The following OPHN1 variants were observed in gnomAD, a reference collection of about 807,000 sequenced individuals.
OPHN1 encodes oligophrenin-1.
OPHN1 carries 11 observed loss-of-function variants against 60.7 expected under a neutral mutation model. The observed-to-expected ratio is 0.18, with a 90% CI of 0.11 to 0.30. The LOEUF (loss-of-function observed/expected upper bound fraction) is 0.30, where lower values mean the gene tolerates loss of function less well. Ranked by LOEUF, OPHN1 falls within the 10% of genes least tolerant of loss-of-function variation. The probability of loss-of-function intolerance (pLI) is 1.00; values close to 1 mark genes in which losing one functional copy is unlikely to be tolerated. For missense variants in OPHN1, 449 were observed against 611.0 expected, an observed-to-expected ratio of 0.73 and a Z score of 2.80; for synonymous variants, 226 against 222.6, an observed-to-expected ratio of 1.02 and a Z score of -0.14.
At chrX:68,369,773 C>T (rs1307267422) in intron 2 of OPHN1, among the ~76,000 whole-genome samples, 1 of 108,008 alleles carries the variant, frequency 9.3e-6, no homozygotes, top group African/African-American at 3.4e-5. Flanking sequence ...CCAAAAATGT[C>T]CCCAATTTGA....
At chrX:68,112,740 A>C (rs957127954) in intron 17 of OPHN1, among the ~76,000 whole-genome samples, 1 of 111,918 alleles carries the variant, frequency 8.9e-6, no homozygotes, top group Non-Finnish European at 1.9e-5. Flanking sequence ...CATCTAGAAA[A>C]TGTGATGCTG....
At chrX:68,422,427 G>T (rs940655407) in intron 2 of OPHN1, among the ~76,000 whole-genome samples, 2 of 107,437 alleles carry the variant, frequency 1.9e-5, no homozygotes, top group African/African-American at 6.8e-5. Flanking sequence ...GGAGGCTGAG[G>T]TGGGAGTATC....
chrX:68,425,812 C>CTTTTTTTTTTTTT (rs1188011531), intron 2 of OPHN1, among the ~76,000 whole-genome samples: 1 of 38,647 alleles, frequency 2.6e-5, no homozygotes, highest in Non-Finnish European at 3.9e-5. Context: ...GGACTGGATT[C>CTTTTTTTTTTTTT]TTTTTTTTTT....
intron 2 of OPHN1, among the ~76,000 whole-genome samples, chrX:68,353,532 C>A (rs2078424684): frequency 9.1e-6 from 1 of 109,657 alleles, no homozygotes; most frequent in Non-Finnish European, 1.9e-5. Context: ...CAAGGTCACA[C>A]CACTGCATTC....
chrX:68,413,615 T>A (rs2078779518), intron 2 of OPHN1, among the ~76,000 whole-genome samples: 1 of 110,934 alleles, frequency 9.0e-6, no homozygotes, highest in African/African-American at 3.3e-5. Flanking sequence ...AACTAAGAAA[T>A]CCTAGATAGG....
chrX:68,406,612 CA>C (rs1234267030), intron 2 of OPHN1, among the ~76,000 whole-genome samples: 7 of 105,627 alleles, frequency 6.6e-5, no homozygotes, highest in African/African-American at 1.0e-4. Flanking sequence ...ACTCCATCTC[CA>C]AAAAAAAAAT....
intron 19 of OPHN1, among the ~76,000 whole-genome samples, chrX:68,090,602 T>C (rs910567798): frequency 9.0e-6 from 1 of 110,823 alleles, no homozygotes; most frequent in African/African-American, 3.3e-5. Context: ...GTCTCTTGTT[T>C]GCCTTCTCAA....
chrX:68,189,815 A>G (rs1200640881), intron 15 of OPHN1, among the ~76,000 whole-genome samples: 1 of 111,860 alleles, frequency 8.9e-6, no homozygotes, highest in East Asian at 2.8e-4. Context: ...TCCCAAAAAG[A>G]CAAACTTTTG....
intron 12 of OPHN1, among the ~76,000 whole-genome samples, 191 bp from the exon 13 acceptor site, chrX:68,194,689 C>A (rs1260376056): frequency 9.0e-6 from 1 of 111,452 alleles, no homozygotes; most frequent in Non-Finnish European, 1.9e-5. Context: ...CTTGAACAGG[C>A]CAGGCGTGGT....
In OPHN1 at chrX:68,319,115, A is replaced by C. The variant is rs895625190; in HGVS notation, c.155-20019T>G. Among the ~76,000 whole-genome samples the C allele has an allele frequency of 2.7e-5, 3 of 111,910 alleles. No individual in the cohort carries two copies. The Admixed American group carries it at 2.9e-4, about 11-fold the overall frequency. ...ACTGCATCTTAGGAAGAAAATCACC[A>C]TGTGCAGTCCACATTTATGCCCTCC... On this transcript the variant is annotated intron_variant, in intron 2 of 24. Transcript: ENST00000355520.
At chrX:68,432,218 G>C (rs1174093348) in intron 2 of OPHN1, among the ~76,000 whole-genome samples, 2 of 110,950 alleles carry the variant, frequency 1.8e-5, no homozygotes, top group Non-Finnish European at 3.8e-5. Flanking sequence ...CTTGTGGCAG[G>C]GACTAAGTAG....
intron 6 of OPHN1, among the ~76,000 whole-genome samples, chrX:68,226,123 G>A (rs1402025327): frequency 3.6e-5 from 4 of 111,446 alleles, no homozygotes; most frequent in African/African-American, 9.8e-5. Context: ...TGGAAGAAAC[G>A]GTATCAGTGA....
At chrX:68,075,458 G>C (rs900729004) in intron 19 of OPHN1, among the ~76,000 whole-genome samples, 17 of 111,939 alleles carry the variant, frequency 1.5e-4, no homozygotes, top group African/African-American at 4.9e-4. Flanking sequence ...CCAAATACCA[G>C]TAAGCTTGTA....
intron 2 of OPHN1, among the ~76,000 whole-genome samples, chrX:68,418,214 TCA>T (rs913929673): frequency 9.0e-5 from 10 of 111,553 alleles, no homozygotes; most frequent in Non-Finnish European, 1.9e-4. Flanking sequence ...AGACTTGAAA[TCA>T]CAGTTTGAAG....
chrX:68,100,782 G>A (rs950875377), intron 18 of OPHN1, among the ~76,000 whole-genome samples: 3 of 108,213 alleles, frequency 2.8e-5, no homozygotes, highest in Admixed American at 1.0e-4. Context: ...AGTCTCACTC[G>A]GTCACCCAGG....
chrX:68,255,095 A>G (rs2077855767), intron 5 of OPHN1, among the ~76,000 whole-genome samples: 1 of 107,258 alleles, frequency 9.3e-6, no homozygotes, highest in Non-Finnish European at 1.9e-5. Context: ...TAATATGTTG[A>G]GCTGTGACAG....
At chrX:68,112,718 C>T (rs925752157) in intron 17 of OPHN1, among the ~76,000 whole-genome samples, 4 of 111,985 alleles carry the variant, frequency 3.6e-5, no homozygotes, top group African/African-American at 1.3e-4. Context: ...ACGCCCTCTC[C>T]CTCAGTTTTC....
At chrX:68,286,845 T>G (rs2078043107) in intron 3 of OPHN1, among the ~76,000 whole-genome samples, 1 of 109,563 alleles carries the variant, frequency 9.1e-6, no homozygotes, top group African/African-American at 3.3e-5. Flanking sequence ...GAGAAACTTG[T>G]CTCTACTAAA....
chrX:68,228,986 A>G lies in OPHN1; in HGVS notation c.486+5501T>C, dbSNP rs750085589. On this transcript the variant is annotated intron_variant, in intron 6 of 24. Transcript: ENST00000355520. ...GAAGTCAAATTGTCCCTGTTTGCAG[A>G]TGACATGATTGAATATTTAGAAAAC... Among the ~76,000 whole-genome samples, 3 of 111,512 alleles carry G rather than the reference A, an allele frequency of 2.7e-5. No individual in the cohort carries two copies. In the East Asian group the frequency reaches 8.5e-4, roughly 32 times the overall value.
Sources: gnomAD v4.1 joint callset for allele counts (sites outside exome capture counted in the v4.1 genomes callset) on GRCh38, gnomAD v4.1.1 for gene constraint, MANE v1.5 for transcripts, NCBI Gene and HGNC (gene_info 2026-07-23, HGNC 2026-07-21) for gene names.